Variants in SULF1 observed in about 807,000 individuals in gnomAD.
SULF1 encodes sulfatase 1.
A neutral mutation model predicts 110.5 loss-of-function variants in SULF1; 46 were observed. The observed-to-expected ratio is 0.42, with a 90% CI of 0.33 to 0.53. SULF1 has a LOEUF of 0.53. Ranked by LOEUF, SULF1 falls within the 20% of genes least tolerant of loss-of-function variation. SULF1 has a pLI of 0.12. For synonymous variants in SULF1, 371 were observed against 387.1 expected (o/e 0.96, Z 0.49); for missense variants, 941 against 1,094.2 (o/e 0.86, Z 1.98).
At chr8:69,579,504 G>A (rs1000779441) in intron 6 of SULF1, among the ~76,000 whole-genome samples, 15 of 145,460 alleles carry the variant, frequency 1.0e-4, no homozygotes, top group African/African-American at 3.2e-4. Context: ...AGCCAAGATC[G>A]CACCATTGCA....
chr8:69,640,767 C>T (rs375643740), intron 21 of SULF1, 41 bp from the exon 22 acceptor site: 30 of 1,576,486 alleles, frequency 1.9e-5, no homozygotes, highest in Non-Finnish European at 2.5e-5. Context: ...TTTATAAGTT[C>T]TAAAGCTAAC....
intron 6 of SULF1, among the ~76,000 whole-genome samples, chr8:69,581,741 G>T (rs1350598958): frequency 6.6e-6 from 1 of 152,118 alleles, no homozygotes; most frequent in East Asian, 1.9e-4. Flanking sequence ...TAATTAGAGG[G>T]CCAGATAATC....
chr8:69,628,120 T>G, intron 17 of SULF1, 51 bp from the exon 18 acceptor site: 5 of 1,448,442 alleles, frequency 3.5e-6, no homozygotes, highest in South Asian at 1.2e-5. Flanking sequence ...ATGAACACTT[T>G]GATCCAATGC....
At chr8:69,579,069 G>A (rs775563837) in intron 6 of SULF1, among the ~76,000 whole-genome samples, 1 of 151,070 alleles carries the variant, frequency 6.6e-6, no homozygotes, top group African/African-American at 2.4e-5. Context: ...GCTGAGGCAG[G>A]AGAATGGCGT....
chr8:69,478,805 G>A (rs923499607), intron 1 of SULF1, among the ~76,000 whole-genome samples: 1 of 152,100 alleles, frequency 6.6e-6, no homozygotes, highest in African/African-American at 2.4e-5. Context: ...AGTAAGACAA[G>A]TTGAGTTTTG....
chr8:69,579,561 AC>A lies in SULF1; in HGVS notation c.412+3353del, dbSNP rs1437091205. ...AAGACTCTGTCACACACACACACAC[AC>A]ACAAAAAAAAAAAAAAATGGGAAGA... On this transcript the variant is annotated intron_variant, in intron 6 of 22. Transcript: ENST00000402687. 8.1e-4 allele frequency among the ~76,000 whole-genome samples: 108 copies of A among 132,572 alleles called. 1 individual carries two copies. The highest frequency in any genetic ancestry group is 3.6e-3 in the African/African-American group (104 of 29,138). 87.0% of individuals were successfully genotyped at this position (132,572 alleles called of 152,430 possible). A position where few individuals can be genotyped will look rare whatever the true frequency, so the allele number is the denominator to read the frequency against.
intron 13 of SULF1, among the ~76,000 whole-genome samples, chr8:69,607,477 A>G (rs1364123565): frequency 2.6e-5 from 4 of 152,084 alleles, no homozygotes; most frequent in Non-Finnish European, 5.9e-5. Context: ...TTATCCTCCT[A>G]CCTCAGCCTC....
chr8:69,575,836 A>G (rs1805571964), intron 5 of SULF1, 134 bp from the exon 6 acceptor site: 1 of 1,098,288 alleles, frequency 9.1e-7, no homozygotes, highest in Non-Finnish European at 1.3e-6. Flanking sequence ...ATGAGAGCTG[A>G]TCAAATTATA....
At chr8:69,534,586 A>G (rs1813312671) in intron 3 of SULF1, among the ~76,000 whole-genome samples, 1 of 152,188 alleles carries the variant, frequency 6.6e-6, no homozygotes, top group Non-Finnish European at 1.5e-5. Context: ...TACATGTTTT[A>G]TTACCAATTC....
chr8:69,603,764 G>C, intron 12 of SULF1, 108 bp downstream of exon 12: 1 of 769,492 alleles, frequency 1.3e-6, no homozygotes, highest in South Asian at 1.5e-5. Context: ...TGCAGATTTC[G>C]TAAACCTAGT....
chr8:69,657,523 C>T (rs1415675325), intron 22 of SULF1, among the ~76,000 whole-genome samples: 3 of 152,260 alleles, frequency 2.0e-5, no homozygotes, highest in African/African-American at 4.8e-5. Flanking sequence ...TTTGACTCCA[C>T]TGACACTTCC....
intron 2 of SULF1, among the ~76,000 whole-genome samples, chr8:69,498,940 C>T (rs961978219): frequency 6.6e-6 from 1 of 152,180 alleles, no homozygotes; most frequent in African/African-American, 2.4e-5. Flanking sequence ...CTCACTGCAG[C>T]CTTGACTTCC....
chr8:69,570,188 T>G (rs1350175505), intron 5 of SULF1, among the ~76,000 whole-genome samples: 3 of 152,192 alleles, frequency 2.0e-5, no homozygotes, highest in Admixed American at 6.5e-5. Flanking sequence ...TGCTTGTTGT[T>G]GTCAATCTTC....
chr8:69,621,289 A>C (rs1809586703), intron 14 of SULF1, 38 bp downstream of exon 14: 19 of 1,518,848 alleles, frequency 1.3e-5, no homozygotes, highest in Non-Finnish European at 1.6e-5. Context: ...ATGGTGGCCT[A>C]GGCCTGTGGG....
At chr8:69,502,329 A>G (rs549120410) in intron 3 of SULF1, among the ~76,000 whole-genome samples, 1 of 152,348 alleles carries the variant, frequency 6.6e-6, no homozygotes, top group Non-Finnish European at 1.5e-5. Flanking sequence ...CATCCACAAC[A>G]TACTCCACAG....
intron 13 of SULF1, among the ~76,000 whole-genome samples, chr8:69,609,178 G>A (rs943460463): frequency 4.0e-5 from 6 of 151,830 alleles, no homozygotes; most frequent in South Asian, 2.1e-4. Flanking sequence ...GGGAGACGCC[G>A]TCTCCACGCA....
At chr8:69,604,318 C>T (rs980758919) in intron 12 of SULF1, among the ~76,000 whole-genome samples, 4 of 152,154 alleles carry the variant, frequency 2.6e-5, no homozygotes, top group African/African-American at 9.7e-5. Context: ...CAAGCCTCAC[C>T]CGGCACCCTT....
intron 13 of SULF1, among the ~76,000 whole-genome samples, chr8:69,613,366 T>G (rs1292056173): frequency 6.7e-6 from 1 of 149,988 alleles, no homozygotes; most frequent in Non-Finnish European, 1.5e-5. Context: ...TTTTTTTTTG[T>G]TTCTTACTCA....
In SULF1 at chr8:69,586,398, A is replaced by G. The variant is rs1051090734; in HGVS notation, c.454A>G (p.Ile152Val). ...CCTCAATGAATATAATGGCAGCTACATCCCCCCTGGGTGGCGAGAATGGCT... is the reference window on the plus strand; with the variant it reads ...CCTCAATGAATATAATGGCAGCTACGTCCCCCCTGGGTGGCGAGAATGGCT... The part of the protein sequence containing the change: ...KYLNEYNGSY[I>V]PPGWREWLGL... Residue 152 changes from isoleucine to valine, a missense_variant, in exon 7 of 23, where the codon ATC (isoleucine) becomes GTC (valine). Physicochemically the swap from Ile to Val is conservative, Grantham distance 29. Transcript: ENST00000402687. 1 of 1,605,878 alleles carries G rather than the reference A, an allele frequency of 6.2e-7. No homozygotes were observed.
Sources: gnomAD v4.1 joint callset for allele counts (sites outside exome capture counted in the v4.1 genomes callset) on GRCh38, gnomAD v4.1.1 for gene constraint, MANE v1.5 for transcripts, NCBI Gene and HGNC (gene_info 2026-07-23, HGNC 2026-07-21) for gene names.